Variants in FUT8 observed in about 807,000 individuals in gnomAD.
FUT8 encodes the protein fucosyltransferase 8.
A neutral mutation model predicts 71.3 loss-of-function variants in FUT8; 29 were observed. The observed-to-expected ratio is 0.41, with a 90% CI of 0.30 to 0.55. The LOEUF is 0.55. Ranked by LOEUF, FUT8 falls within the 20% of genes least tolerant of loss-of-function variation. The pLI is 0.34. For missense variants in FUT8, 544 were observed against 702.1 expected (o/e 0.77, Z 2.55); for synonymous variants, 254 against 239.3 (o/e 1.06, Z -0.57).
intron 2 of FUT8, among the ~76,000 whole-genome samples, chr14:65,478,472 CTT>C (rs2066281161): frequency 6.6e-6 from 1 of 152,052 alleles, no homozygotes; most frequent in Non-Finnish European, 1.5e-5. Flanking sequence ...TTAGTTTTTA[CTT>C]GATATTCTGA....
At chr14:65,474,066 G>A (rs538893820) in intron 2 of FUT8, among the ~76,000 whole-genome samples, 1 of 152,232 alleles carries the variant, frequency 6.6e-6, no homozygotes, top group South Asian at 2.1e-4. Flanking sequence ...AATACCATAT[G>A]TTCTCACAAG....
rs571206669 is a variant in FUT8 at position 65,441,941 on chromosome 14, C to T, written c.-325-13680C>T. ...TTAGGTATATCTCCTAATGCTATCC[C>T]TCCTCCTCCCACAACCCCACGACAG... On this transcript the variant is annotated intron_variant, in intron 1 of 10. Coordinates refer to ENST00000673929, the MANE Select transcript of FUT8 (RefSeq NM_001371533.1). 2.5e-3 allele frequency among the ~76,000 whole-genome samples: 374 copies of T among 151,994 alleles called. 1 individual carries two copies. Among genetic ancestry groups the T allele is most frequent in the African/African-American group, 8.8e-3 (364 of 41,452 alleles).
intron 7 of FUT8, among the ~76,000 whole-genome samples, chr14:65,704,199 A>G (rs748786574): frequency 6.6e-6 from 1 of 152,220 alleles, no homozygotes; most frequent in Non-Finnish European, 1.5e-5. Context: ...AAATTCACCC[A>G]GAGCAAAAAG....
intron 2 of FUT8, among the ~76,000 whole-genome samples, chr14:65,518,379 G>A (rs1882851033): frequency 6.6e-6 from 1 of 152,146 alleles, no homozygotes; most frequent in Non-Finnish European, 1.5e-5. Flanking sequence ...TGAACTGTGA[G>A]TGGTAAAGAC....
intron 7 of FUT8, among the ~76,000 whole-genome samples, chr14:65,710,159 T>C (rs1219798003): frequency 1.3e-5 from 2 of 152,194 alleles, no homozygotes; most frequent in African/African-American, 4.8e-5. Flanking sequence ...AATAACATGT[T>C]TTTTTCAGTG....
At chr14:65,539,768 A>G (rs1884567118) in intron 2 of FUT8, among the ~76,000 whole-genome samples, 1 of 152,318 alleles carries the variant, frequency 6.6e-6, no homozygotes, top group African/African-American at 2.4e-5. Context: ...TCAGCCAATT[A>G]TGTATAAAAT....
At chr14:65,544,585 A>G (rs946528128) in intron 2 of FUT8, among the ~76,000 whole-genome samples, 2 of 152,146 alleles carry the variant, frequency 1.3e-5, no homozygotes, top group South Asian at 4.1e-4. Context: ...TTCTAGACCC[A>G]TTTGAGTAGT....
intron 2 of FUT8, among the ~76,000 whole-genome samples, chr14:65,557,221 C>T (rs532464866): frequency 6.6e-6 from 1 of 152,060 alleles, no homozygotes; most frequent in Non-Finnish European, 1.5e-5. Flanking sequence ...ACAAATATTA[C>T]CCAAAGAATC....
intron 2 of FUT8, among the ~76,000 whole-genome samples, chr14:65,516,001 T>G (rs984331283): frequency 6.6e-6 from 1 of 152,128 alleles, no homozygotes; most frequent in African/African-American, 2.4e-5. Context: ...TAATCACTTT[T>G]AAGTAATCTC....
chr14:65,396,450 C>T, the FUT8 span, among the ~76,000 whole-genome samples: 1 of 152,156 alleles, frequency 6.6e-6, no homozygotes, highest in Non-Finnish European at 1.5e-5. The surrounding 1 kb of genome is among the most constrained non-coding windows in gnomAD (Gnocchi z 5.5). Flanking sequence ...TGGAAGCAGG[C>T]AAGACAGAAT....
chr14:65,533,421 G>A (rs543338908), intron 2 of FUT8, among the ~76,000 whole-genome samples: 5 of 152,162 alleles, frequency 3.3e-5, no homozygotes, highest in African/African-American at 9.6e-5. Context: ...TGGCAGTTGC[G>A]AATGGGACTG....
rs531182453 is a variant in FUT8, at chr14:65,652,950, G to T, written c.598-16293G>T. Among the ~76,000 whole-genome samples, 4 of 152,282 alleles carry T rather than the reference G, an allele frequency of 2.6e-5. No individual in the cohort carries two copies. The East Asian group carries it at 7.7e-4, about 29-fold the overall frequency. On this transcript the variant is annotated intron_variant, in intron 6 of 10. Coordinates refer to ENST00000673929, the MANE Select transcript of FUT8 (RefSeq NM_001371533.1). The surrounding 1 kb of genome is among the most constrained non-coding windows in gnomAD (Gnocchi z 4.0). ...TCTCTGTATTGGTCTTTTCAGTATT[G>T]CAACTTCAAGGTAGTAGGATTTTTT...
chr14:65,737,400 T>C (rs183983953), intron 10 of FUT8, among the ~76,000 whole-genome samples: 3 of 152,270 alleles, frequency 2.0e-5, no homozygotes, highest in Admixed American at 6.5e-5. Context: ...TTTTGAAAGC[T>C]ATGCAACTAC....
intron 3 of FUT8, 48 bp from the exon 4 acceptor site, chr14:65,615,930 T>C: frequency 3.0e-6 from 4 of 1,313,698 alleles, no homozygotes; most frequent in Non-Finnish European, 4.3e-6. Context: ...TGTATTTTGT[T>C]GCACAGTTTG....
the FUT8 span, among the ~76,000 whole-genome samples, chr14:65,365,328 C>CT: frequency 7.2e-6 from 1 of 138,970 alleles, no homozygotes; most frequent in African/African-American, 2.7e-5. Context: ...ATAAATTCTT[C>CT]CTCTCTCTCT....
chr14:65,738,014 A>G (rs1896309419), intron 10 of FUT8, among the ~76,000 whole-genome samples: 1 of 152,102 alleles, frequency 6.6e-6, no homozygotes, highest in African/African-American at 2.4e-5. Context: ...TGAGAGTACC[A>G]TGGAGGAAAG....
the FUT8 span, among the ~76,000 whole-genome samples, chr14:65,403,774 T>C: frequency 1.3e-5 from 2 of 151,842 alleles, no homozygotes; most frequent in African/African-American, 4.8e-5. Flanking sequence ...TTTTTCCTTA[T>C]GACCTTGCTC....
intron 3 of FUT8, among the ~76,000 whole-genome samples, chr14:65,582,667 C>G (rs1887156322): frequency 6.6e-6 from 1 of 152,180 alleles, no homozygotes; most frequent in African/African-American, 2.4e-5. Flanking sequence ...ATTGTACTCT[C>G]CACAGTTTGA....
intron 2 of FUT8, among the ~76,000 whole-genome samples, chr14:65,558,765 T>G (rs540487944): frequency 7.0e-4 from 106 of 152,288 alleles, no homozygotes; most frequent in African/African-American, 2.5e-3. Flanking sequence ...AACTATTTGT[T>G]TTTCAGCTTA....
Sources: allele counts gnomAD v4.1 joint callset (sites outside exome capture counted in the v4.1 genomes callset), GRCh38; gene constraint gnomAD v4.1.1; non-coding constraint Gnocchi (gnomAD v3.1); transcripts MANE v1.5; gene names NCBI Gene and HGNC (gene_info 2026-07-23, HGNC 2026-07-21).